Variants in LRRC45 observed in about 807,000 individuals in gnomAD.
The protein encoded by LRRC45 is leucine-rich repeat-containing protein 45.
LRRC45 carries 73 observed loss-of-function variants against 85.4 expected under a neutral mutation model. That is an observed-to-expected ratio of 0.85 (90% CI 0.71 to 1.04). The LOEUF (loss-of-function observed/expected upper bound fraction) is 1.04, where lower values mean the gene tolerates loss of function less well. LRRC45 is among the 50% of genes least tolerant of loss of function. The probability of loss-of-function intolerance (pLI) is 0.00; values close to 1 mark genes in which losing one functional copy is unlikely to be tolerated. For synonymous variants in LRRC45, 429 were observed against 386.0 expected, an observed-to-expected ratio of 1.11 and a Z score of -1.31; for missense variants, 937 against 883.3, an observed-to-expected ratio of 1.06 and a Z score of -0.77.
rs1313473397 is a variant in LRRC45 at position 82,030,980 on chromosome 17, T to TG, written c.*178dup. ...GCGGGGGAACCCCGTGGGAGGCGCCTGGGAAGGGCTCCCTACCGGCCCCTT... is the reference window on the plus strand; with the variant it reads ...GCGGGGGAACCCCGTGGGAGGCGCCTGGGGAAGGGCTCCCTACCGGCCCCTT... On this transcript the variant is annotated 3_prime_UTR_variant, in exon 17 of 17. Coordinates refer to ENST00000306688, the MANE Select transcript of LRRC45 (RefSeq NM_144999.4). The TG allele has an allele frequency of 2.3e-6, 1 of 436,594 alleles. No individual in the cohort carries two copies. Among genetic ancestry groups the TG allele is most frequent in the East Asian group, 3.6e-5 (1 of 28,150 alleles). The allele number at this position is 436,594 out of a possible 1,614,324, so 27.0% of individuals were successfully genotyped here.
In LRRC45 at chr17:82,029,474, A is replaced by T. The variant is rs374718159; in HGVS notation, c.1402-69A>T. 1,625 of 1,498,204 alleles carry T rather than the reference A, an allele frequency of 1.1e-3. 14 individuals carry two copies. In the South Asian group the frequency reaches 0.012, roughly 11 times the overall value. 92.8% of individuals were successfully genotyped at this position (1,498,204 alleles called of 1,614,324 possible). A position where few individuals can be genotyped will look rare whatever the true frequency, so the allele number is the denominator to read the frequency against. On this transcript the variant is annotated intron_variant, in intron 13 of 16. Coordinates refer to ENST00000306688, the MANE Select transcript of LRRC45 (RefSeq NM_144999.4). ...AGCCCCCCTGGCTGGGGTTGGCTGGATGGGCCAGAGAGAGAAGGGCCCTGG... is the reference window on the plus strand; with the variant it reads ...AGCCCCCCTGGCTGGGGTTGGCTGGTTGGGCCAGAGAGAGAAGGGCCCTGG...
rs1448881306 is a variant in LRRC45, at chr17:82,027,690, G to A, written c.850G>A (p.Val284Ile). 6 of 1,610,766 alleles carry A rather than the reference G, an allele frequency of 3.7e-6. No homozygotes were observed. The highest frequency in any genetic ancestry group is 1.1e-5 in the South Asian group (1 of 90,662). Reference sequence around the variant, plus strand: ...TGCCCACAGGGCGTCGGCAGCCCGTGTAGGGCAGCTTCAGGAAGCCCTGAA... The same window carrying A: ...TGCCCACAGGGCGTCGGCAGCCCGTATAGGGCAGCTTCAGGAAGCCCTGAA... ...AKSSRASAARVGQLQEALNER... is the reference protein window; with the variant it reads ...AKSSRASAARIGQLQEALNER... Residue 284 changes from valine to isoleucine, a missense_variant, in exon 8 of 17, where the codon GTA becomes ATA. Physicochemically the swap from Val to Ile is conservative, Grantham distance 29. Coordinates refer to ENST00000306688, the MANE Select transcript of LRRC45 (RefSeq NM_144999.4).
rs2144150887 is a variant in LRRC45 at position 82,030,390 on chromosome 17, C to T, written c.1740C>T (p.Asn580=). 2 of 1,549,874 alleles carry T rather than the reference C, an allele frequency of 1.3e-6. No individual in the cohort carries two copies. Among genetic ancestry groups the T allele is most frequent in the African/African-American group, 1.4e-5 (1 of 73,224 alleles). Residue 580 remains asparagine (N), a synonymous_variant, in exon 16 of 17, where the codon AAC becomes AAT. Transcript: ENST00000306688. The part of the protein sequence containing the change: ...SRVRVELQEQ[N]GRLQAELAAQ... Reference sequence around the variant, plus strand: ...TGCGCGTGGAGCTGCAGGAGCAGAACGGCCGGCTGCAGGCGGAGCTGGCGG... The same window carrying T: ...TGCGCGTGGAGCTGCAGGAGCAGAATGGCCGGCTGCAGGCGGAGCTGGCGG...
In LRRC45 at chr17:82,024,958, G is replaced by A. The variant is rs373844669; in HGVS notation, c.354-42G>A. ...CCCAAGCCCTGGACCCCACGGGCTA[G>A]GCAGTCCCCTAGGTGAACACTGGCT... is the stretch of plus-strand genomic sequence containing the variant. On this transcript the variant is annotated intron_variant, in intron 3 of 16. Transcript: ENST00000306688. 4 of 1,503,286 alleles carry A rather than the reference G, an allele frequency of 2.7e-6. No individual in the cohort carries two copies. The African/African-American group carries it at 5.6e-5, about 21-fold the overall frequency. The allele number at this position is 1,503,286 out of a possible 1,614,324, so 93.1% of individuals were successfully genotyped here. A position where few individuals can be genotyped will look rare whatever the true frequency, so the allele number is the denominator to read the frequency against.
chr17:82,029,680 C>G, intron 14 of LRRC45, 45 bp downstream of exon 14: 1 of 1,524,490 alleles, frequency 6.6e-7, no homozygotes, highest in Non-Finnish European at 8.9e-7. Flanking sequence ...CCAGGCTGCC[C>G]GGCATTGCGG....
chr17:82,026,146 C>T (rs567197761), intron 5 of LRRC45, among the ~76,000 whole-genome samples: 157 of 152,362 alleles, frequency 1.0e-3, no homozygotes, highest in African/African-American at 2.5e-3. Flanking sequence ...TCCCTGGCTT[C>T]GCCTCGGCAC....
intron 2 of LRRC45, 147 bp downstream of exon 2, chr17:82,024,486 G>T: frequency 9.6e-7 from 1 of 1,045,106 alleles, no homozygotes; most frequent in Non-Finnish European, 1.4e-6. Flanking sequence ...ATGGCCTCCT[G>T]TGTGTGACCA....
At position 82,028,296 on chromosome 17, in the gene LRRC45, G is replaced by A; in HGVS notation, c.1110G>A (p.Leu370=). Residue 370 remains leucine (L), a synonymous_variant, in exon 10 of 17, where the codon CTG becomes CTA. Transcript: ENST00000306688. ...RDLSAANEKN[L]LLQNQVDELE... ...TGTCTGCTGCCAATGAAAAGAACCTGCTTCTGCAAAACCAGGTAGCTGTGG... is the reference window on the plus strand; with the variant it reads ...TGTCTGCTGCCAATGAAAAGAACCTACTTCTGCAAAACCAGGTAGCTGTGG... 1.3e-6 allele frequency: 2 copies of A among 1,590,876 alleles called. No individual in the cohort carries two copies. The highest frequency in any genetic ancestry group is 1.7e-6 in the Non-Finnish European group (2 of 1,169,296).
intron 5 of LRRC45, among the ~76,000 whole-genome samples, 175 bp downstream of exon 5, chr17:82,025,682 C>T (rs180957926): frequency 1.3e-5 from 2 of 152,334 alleles, no homozygotes; most frequent in African/African-American, 2.4e-5. Context: ...GAATGGCGTT[C>T]GCCACACATG....
intron 14 of LRRC45, 75 bp from the exon 15 acceptor site, chr17:82,029,990 G>T (rs964095828): frequency 2.4e-5 from 35 of 1,440,586 alleles, no homozygotes; most frequent in Admixed American, 1.5e-4. Context: ...AGGTGGGGTC[G>T]TGCCCGTGCA....
Position 82,027,846 on chromosome 17 carries a change from G to A in LRRC45, c.911+95G>A. 13 of 1,539,262 alleles carry A rather than the reference G, an allele frequency of 8.4e-6. No homozygotes were observed. In the South Asian group the frequency reaches 1.5e-4, roughly 18 times the overall value. On this transcript the variant is annotated intron_variant, in intron 8 of 16. Coordinates refer to ENST00000306688, the MANE Select transcript of LRRC45 (RefSeq NM_144999.4). ...GTGTGCAAGTCCTGTTTGCAAAGCA[G>A]AGGTGGGAAATGGTGAGGCTGGGGC...
In LRRC45 at chr17:82,024,735, C is replaced by T. The variant is rs181786492; in HGVS notation, c.325C>T (p.Leu109Phe). 7.0e-6 allele frequency: 11 copies of T among 1,578,822 alleles called. No homozygotes were observed. In the East Asian group the frequency reaches 2.5e-4, roughly 36 times the overall value. ...RAAGAEALGKLLQQNKSIQSL... is the reference protein window; with the variant it reads ...RAAGAEALGKFLQQNKSIQSL... ...TGCAGGGGCCGAGGCTCTGGGAAAA[C>T]TCCTCCAACAGAACAAGTCCATTCA... Residue 109 changes from leucine (L) to phenylalanine (F), a missense_variant, in exon 3 of 17, where the codon CTC becomes TTC. By Grantham distance (22) the Leu-to-Phe change is conservative. Coordinates refer to ENST00000306688, the MANE Select transcript of LRRC45 (RefSeq NM_144999.4).
intron 1 of LRRC45, 193 bp downstream of exon 1, chr17:82,024,056 C>T (rs1431173460): frequency 4.2e-6 from 3 of 711,714 alleles, no homozygotes; most frequent in Admixed American, 2.9e-5. Flanking sequence ...TTAACATTCG[C>T]GGTCTTACCT....
intron 5 of LRRC45, among the ~76,000 whole-genome samples, chr17:82,026,181 T>C (rs560035623): frequency 3.2e-4 from 48 of 152,346 alleles, no homozygotes; most frequent in African/African-American, 1.1e-3. Context: ...TCATCCCTCC[T>C]GACCTCTGCC....
intron 13 of LRRC45, 111 bp from the exon 14 acceptor site, chr17:82,029,432 G>A: frequency 7.9e-7 from 1 of 1,263,066 alleles, no homozygotes; most frequent in South Asian, 1.3e-5. Context: ...GTGGCCCTCA[G>A]GAGGCTGGCA....
In LRRC45 at chr17:82,025,420, C is replaced by T. The variant is rs376227945; in HGVS notation, c.574C>T (p.Leu192Phe). Residue 192 changes from leucine to phenylalanine, a missense_variant, in exon 5 of 17, where the codon CTC becomes TTC. Transcript: ENST00000306688. ...NNVGLLGGRALMNCLPSNRTL... is the reference protein window; with the variant it reads ...NNVGLLGGRAFMNCLPSNRTL... ...CGTTGGCCTCCTGGGGGGCCGGGCC[C>T]TCATGAACTGTCTCCCCAGCAACAG... is the stretch of plus-strand genomic sequence containing the variant. 10 of 1,605,868 alleles carry T rather than the reference C, an allele frequency of 6.2e-6. No individual in the cohort carries two copies. The highest frequency in any genetic ancestry group is 5.1e-6 in the Non-Finnish European group (6 of 1,175,880).
intron 14 of LRRC45, among the ~76,000 whole-genome samples, chr17:82,029,847 T>A (rs2043401832): frequency 1.3e-5 from 2 of 152,146 alleles, no homozygotes; most frequent in South Asian, 4.1e-4. Context: ...AGCCTGTGAC[T>A]ACACGCATGG....
chr17:82,030,299 C>A lies in LRRC45; in HGVS notation c.1669-20C>A, dbSNP rs1406398894. ...TAGCCCCCAACCCTCGCCTCACTCC[C>A]CAGCCTTCGTGCCTGGCAGGAGCTG... On this transcript the variant is annotated intron_variant, in intron 15 of 16. Coordinates refer to ENST00000306688, the MANE Select transcript of LRRC45 (RefSeq NM_144999.4). The A allele has an allele frequency of 6.5e-7, 1 of 1,546,672 alleles. No individual in the cohort carries two copies. The highest frequency in any genetic ancestry group is 2.0e-5 in the Admixed American group (1 of 50,880).
chr17:82,028,336 G>A (rs1305863657), intron 10 of LRRC45, 25 bp downstream of exon 10: 2 of 1,603,756 alleles, frequency 1.2e-6, no homozygotes, highest in East Asian at 2.2e-5. Context: ...TGGAGCCAGG[G>A]AGCCCAGGGT....
Sources: allele counts gnomAD v4.1 joint callset (sites outside exome capture counted in the v4.1 genomes callset), GRCh38; gene constraint gnomAD v4.1.1; transcripts MANE v1.5; gene names NCBI Gene and HGNC (gene_info 2026-07-23, HGNC 2026-07-21).